PPP3CA: variants seen among roughly 807,000 people sequenced by gnomAD.
PPP3CA encodes CAM-PRP catalytic subunit.
Under a neutral mutation model 66.5 loss-of-function variants are expected in PPP3CA, and 14 were observed. The ratio of observed to expected loss-of-function variants is 0.21; its 90% CI spans 0.14 to 0.33. The LOEUF is 0.33. Among genes scored for constraint, PPP3CA ranks in the 10% least tolerant of loss-of-function variants. PPP3CA has a pLI of 1.00. For synonymous variants in PPP3CA, 232 were observed against 226.2 expected (o/e 1.03, Z -0.23); for missense variants, 317 against 639.5 (o/e 0.50, Z 5.44).
At chr4:101,267,625 G>A (rs1245046511) in intron 1 of PPP3CA, among the ~76,000 whole-genome samples, 1 of 152,168 alleles carries the variant, frequency 6.6e-6, no homozygotes, top group Non-Finnish European at 1.5e-5. Flanking sequence ...TAAAGGAGAT[G>A]ACACCTAATC....
chr4:101,078,683 T>TA (rs965512582), intron 8 of PPP3CA, among the ~76,000 whole-genome samples: 51 of 152,338 alleles, frequency 3.3e-4, no homozygotes, highest in African/African-American at 1.2e-3. Context: ...AACAATCAAA[T>TA]GATTAACTCA....
chr4:101,144,662 G>A (rs1404430265), intron 2 of PPP3CA, among the ~76,000 whole-genome samples: 2 of 152,010 alleles, frequency 1.3e-5, no homozygotes, highest in Non-Finnish European at 2.9e-5. Context: ...ACCACTAAGG[G>A]CAGATATTAC....
chr4:101,276,577 T>C (rs1303936884), intron 1 of PPP3CA, among the ~76,000 whole-genome samples: 2 of 152,208 alleles, frequency 1.3e-5, no homozygotes, highest in African/African-American at 2.4e-5. Context: ...GTTTACATGG[T>C]ACTTTCACAT....
rs889725176 is a variant in PPP3CA, at chr4:101,303,671, A to G, written c.58+43068T>C. On this transcript the variant is annotated intron_variant, in intron 1 of 13. Transcript: ENST00000394854. ...TTAACAATAGACATTCTCGTACTCTATGTATTGGTATTCTCTATAGGATGG... is the reference window on the plus strand; with the variant it reads ...TTAACAATAGACATTCTCGTACTCTGTGTATTGGTATTCTCTATAGGATGG... 3.3e-5 allele frequency among the ~76,000 whole-genome samples: 5 copies of G among 152,302 alleles called. No homozygotes were observed. The East Asian group carries it at 9.6e-4, about 29-fold the overall frequency.
intron 13 of PPP3CA, among the ~76,000 whole-genome samples, chr4:101,027,815 TG>T (rs1269105793): frequency 6.6e-6 from 1 of 152,166 alleles, no homozygotes; most frequent in Non-Finnish European, 1.5e-5. Context: ...ACTTCTGGAA[TG>T]GGGCTCCATT....
chr4:101,028,686 G>T (rs1279110726), intron 13 of PPP3CA, among the ~76,000 whole-genome samples: 2 of 152,090 alleles, frequency 1.3e-5, no homozygotes, highest in Non-Finnish European at 2.9e-5. Flanking sequence ...ATTTTTTAGA[G>T]ATACAAATTA....
intron 2 of PPP3CA, among the ~76,000 whole-genome samples, chr4:101,124,729 AAGAAAGAAAG>A (rs1722170791): frequency 1.8e-5 from 1 of 54,304 alleles, no homozygotes; most frequent in Non-Finnish European, 3.8e-5. Flanking sequence ...AAGAAAGAGA[AAGAAAGAAAG>A]AAAGAAAGAA....
chr4:101,311,583 C>T (rs986673275), intron 1 of PPP3CA, among the ~76,000 whole-genome samples: 1 of 152,080 alleles, frequency 6.6e-6, no homozygotes, highest in African/African-American at 2.4e-5. Context: ...AGTTCAAGAC[C>T]AGCCTGGCCA....
chr4:101,327,178 C>T (rs920815655), intron 1 of PPP3CA, among the ~76,000 whole-genome samples: 5 of 152,130 alleles, frequency 3.3e-5, no homozygotes, highest in Non-Finnish European at 7.4e-5. Flanking sequence ...AAATAATTTA[C>T]GCACATTTCC....
At position 101,032,280 on chromosome 4, in the gene PPP3CA, T is replaced by C; in HGVS notation, c.1326A>G (p.Gln442=). 1 of 1,605,350 alleles carries C rather than the reference T, an allele frequency of 6.2e-7. No homozygotes were observed. The highest frequency in any genetic ancestry group is 8.5e-7 in the Non-Finnish European group (1 of 1,176,362). Residue 442 remains glutamine (Q), a synonymous_variant, in exon 12 of 14, where the codon CAA becomes CAG. Transcript: ENST00000394854. Reference sequence around the variant, plus strand: ...CAGCCTGCTTACCGCTTTGCAGGGTTTGCTTCCCTCCAGAAAGTACTCCGC... The same window carrying C: ...CAGCCTGCTTACCGCTTTGCAGGGTCTGCTTCCCTCCAGAAAGTACTCCGC... ...LPSGVLSGGK[Q]TLQSATVEAI...
At chr4:101,168,528 G>C (rs1723766415) in intron 2 of PPP3CA, among the ~76,000 whole-genome samples, 1 of 152,070 alleles carries the variant, frequency 6.6e-6, no homozygotes, top group Non-Finnish European at 1.5e-5. Flanking sequence ...GGAAGTCTAA[G>C]GACTAAATTG....
intron 1 of PPP3CA, among the ~76,000 whole-genome samples, chr4:101,246,905 A>G (rs1726499630): frequency 6.6e-6 from 1 of 152,198 alleles, no homozygotes; most frequent in Non-Finnish European, 1.5e-5. Flanking sequence ...GGCTTCTCCT[A>G]TAACCCTTCG....
intron 1 of PPP3CA, among the ~76,000 whole-genome samples, chr4:101,294,437 C>T (rs1728127756): frequency 6.6e-6 from 1 of 152,096 alleles, no homozygotes; most frequent in South Asian, 2.1e-4. Flanking sequence ...TTTACCAAAT[C>T]TCTATTTATT....
At chr4:101,275,405 C>T (rs1727458290) in intron 1 of PPP3CA, among the ~76,000 whole-genome samples, 1 of 152,170 alleles carries the variant, frequency 6.6e-6, no homozygotes, top group South Asian at 2.1e-4. Flanking sequence ...TACCTTCTTT[C>T]ACGTCAAATC....
At chr4:101,068,382 C>T (rs1224559595) in intron 8 of PPP3CA, among the ~76,000 whole-genome samples, 1 of 152,072 alleles carries the variant, frequency 6.6e-6, no homozygotes, top group African/African-American at 2.4e-5. Flanking sequence ...GGCATAATGC[C>T]TTGGTGGATA....
At chr4:101,243,571 C>T in intron 1 of PPP3CA, among the ~76,000 whole-genome samples, 1 of 152,216 alleles carries the variant, frequency 6.6e-6, no homozygotes, top group Admixed American at 6.5e-5. Flanking sequence ...ATAGAATTTA[C>T]ATTGTATTAA....
chr4:101,053,457 C>T (rs980720157), intron 10 of PPP3CA, among the ~76,000 whole-genome samples: 1 of 152,118 alleles, frequency 6.6e-6, no homozygotes, highest in Non-Finnish European at 1.5e-5. Context: ...TTTAACAGTG[C>T]AGGCTAATTT....
chr4:101,124,663 CAGAAAGAAAGAAAGAAAGAAAGAAAG>C (rs1352045484), intron 2 of PPP3CA, among the ~76,000 whole-genome samples: 1 of 55,188 alleles, frequency 1.8e-5, no homozygotes, highest in African/African-American at 6.3e-5. Context: ...GAGAGAGAGA[CAGAAAGAAAGAAAGAAAGAAAGAAAG>C]AAAGAAAGAA....
intron 1 of PPP3CA, among the ~76,000 whole-genome samples, chr4:101,328,845 G>A (rs974695163): frequency 1.3e-5 from 2 of 151,984 alleles, no homozygotes; most frequent in Non-Finnish European, 2.9e-5. Context: ...ATGTCACACC[G>A]ATATAAGACA....
Sources: allele counts gnomAD v4.1 joint callset (sites outside exome capture counted in the v4.1 genomes callset), GRCh38; gene constraint gnomAD v4.1.1; transcripts MANE v1.5; gene names NCBI Gene and HGNC (gene_info 2026-07-23, HGNC 2026-07-21).